Variants in IRX6 observed in about 807,000 individuals in gnomAD.
IRX6 encodes iroquois homeobox 6.
Under a neutral mutation model 47.7 loss-of-function variants are expected in IRX6, and 46 were observed. The observed-to-expected ratio is 0.96, with a 90% CI of 0.76 to 1.23. IRX6 has a LOEUF of 1.23. IRX6 is among the 50% of genes most tolerant of loss of function. The pLI is 0.00. For synonymous variants in IRX6, 265 were observed against 246.2 expected, an observed-to-expected ratio of 1.08 and a Z score of -0.72; for missense variants, 722 against 588.0, an observed-to-expected ratio of 1.23 and a Z score of -2.36.
In IRX6 at chr16:55,328,686, T is replaced by C; in HGVS notation, c.722-14T>C. Reference sequence around the variant, plus strand: ...GCCCTGGGGCTTTTCTCACTCGCTCTTGATTTCCTGCAGAAGTTACTGCTA... The same window carrying C: ...GCCCTGGGGCTTTTCTCACTCGCTCCTGATTTCCTGCAGAAGTTACTGCTA... On this transcript the variant is annotated splice_polypyrimidine_tract_variant and intron_variant, in intron 4 of 5. Coordinates refer to ENST00000290552, the MANE Select transcript of IRX6 (RefSeq NM_024335.3). 1.2e-6 allele frequency: 2 copies of C among 1,611,432 alleles called. No individual in the cohort carries two copies. Among genetic ancestry groups the C allele is most frequent in the Non-Finnish European group, 1.7e-6 (2 of 1,179,008 alleles).
At position 55,327,838 on chromosome 16, in the gene IRX6, G is replaced by C; in HGVS notation, c.666G>C (p.Arg222Ser). ...WAPKNKGGEE[R>S]KAEGGEEDSL... ...CCAAGAACAAAGGTGGGGAGGAGAG[G>C]AAGGCAGAGGGAGGAGAGGAGGACT... Residue 222 changes from arginine to serine, a missense_variant, in exon 4 of 6, where the codon AGG (arginine) becomes AGC (serine). Coordinates refer to ENST00000290552, the MANE Select transcript of IRX6 (RefSeq NM_024335.3). 6.2e-7 allele frequency: 1 copy of C among 1,613,040 alleles called. No individual in the cohort carries two copies. The highest frequency in any genetic ancestry group is 8.5e-7 in the Non-Finnish European group (1 of 1,179,750).
chr16:55,325,241 C>A (rs1960489689), intron 1 of IRX6, 105 bp downstream of exon 1: 1 of 1,094,510 alleles, frequency 9.1e-7, no homozygotes, highest in Admixed American at 1.9e-5. Context: ...TGGGGGAAGC[C>A]AGAAGGAGCA....
intron 1 of IRX6, 145 bp downstream of exon 1, chr16:55,325,281 C>G (rs2142265701): frequency 1.4e-6 from 1 of 711,316 alleles, no homozygotes; most frequent in Non-Finnish European, 2.4e-6. Context: ...ACAGCCTCCT[C>G]TGACATCCCC....
chr16:55,329,403 T>G, intron 5 of IRX6, 92 bp downstream of exon 5: 1 of 1,456,370 alleles, frequency 6.9e-7, no homozygotes, highest in South Asian at 1.4e-5. Flanking sequence ...GCCATTCCAG[T>G]CTGCCCAGGT....
At chr16:55,330,265 C>A in intron 5 of IRX6, 33 bp from the exon 6 acceptor site, 1 of 1,610,932 alleles carries the variant, frequency 6.2e-7, no homozygotes, top group Non-Finnish European at 8.5e-7. Context: ...CACTAAACAG[C>A]CTTTGGGTTT....
At chr16:55,327,242 C>T in intron 2 of IRX6, 54 bp from the exon 3 acceptor site, 3 of 1,278,270 alleles carry the variant, frequency 2.3e-6, no homozygotes, top group South Asian at 1.2e-5. Context: ...AGCTACCACC[C>T]CATGTGCCCC....
At position 55,330,445 on chromosome 16, in the gene IRX6, C is replaced by T; in HGVS notation, c.*140C>T. On this transcript the variant is annotated 3_prime_UTR_variant, in exon 6 of 6. Transcript: ENST00000290552. ...AAGAGACAGACACACAGAAACCCTC[C>T]TAGCAGCTGTCCTTGCACGCAGAGC... is the stretch of plus-strand genomic sequence containing the variant. 1.2e-6 allele frequency: 1 copy of T among 838,418 alleles called. No individual in the cohort carries two copies. The highest frequency in any genetic ancestry group is 2.0e-6 in the Non-Finnish European group (1 of 491,034). The allele number at this position is 838,418 out of a possible 1,614,324, so 51.9% of individuals were successfully genotyped here. A position where few individuals can be genotyped will look rare whatever the true frequency, so the allele number is the denominator to read the frequency against.
chr16:55,325,013 T>C lies in IRX6; in HGVS notation c.-79T>C, dbSNP rs1427576126. 1.4e-6 allele frequency: 2 copies of C among 1,470,370 alleles called. No individual in the cohort carries two copies. Among genetic ancestry groups the C allele is most frequent in the Non-Finnish European group, 1.9e-6 (2 of 1,050,828 alleles). 91.1% of individuals were successfully genotyped at this position (1,470,370 alleles called of 1,614,324 possible). ...CAGCGGTGTAAGGAACTGAGACACCTCACTGCTGGGGGCGCGGAACAGCTG... is the reference window on the plus strand; with the variant it reads ...CAGCGGTGTAAGGAACTGAGACACCCCACTGCTGGGGGCGCGGAACAGCTG... On this transcript the variant is annotated 5_prime_UTR_variant, in exon 1 of 6. Transcript: ENST00000290552.
Position 55,324,315 on chromosome 16 carries a change from T to C in IRX6, c.-777T>C, listed in dbSNP as rs1960470868. The C allele has an allele frequency of 6.8e-6, 1 of 147,496 alleles. No individual in the cohort carries two copies. The highest frequency in any genetic ancestry group is 2.5e-5 in the African/African-American group (1 of 40,044). 9.1% of individuals were successfully genotyped at this position (147,496 alleles called of 1,614,324 possible). On this transcript the variant is annotated 5_prime_UTR_variant, in exon 1 of 6. Coordinates refer to ENST00000290552, the MANE Select transcript of IRX6 (RefSeq NM_024335.3). This position sits in a 1 kb window ranked among gnomAD's most constrained non-coding sequence, Gnocchi z 4.4. ...CCCTCTCCCCTCCTCCTTCTCCCTC[T>C]TGCCTTTCTCCCCCACTTTTCTCCT...
intron 2 of IRX6, 100 bp downstream of exon 2, chr16:55,326,693 G>T: frequency 7.7e-7 from 1 of 1,302,842 alleles, no homozygotes. Flanking sequence ...AAAGGAAATG[G>T]TTAGGACTGT....
Position 55,325,530 on chromosome 16 carries a change from G to GGAAGGAAA in IRX6, c.45+396_45+397insAGGAAAGA, listed in dbSNP as rs1491427085. Among the ~76,000 whole-genome samples the GGAAGGAAA allele has an allele frequency of 2.4e-3, 22 of 9,086 alleles. 4 individuals are homozygous for GGAAGGAAA. The highest frequency in any genetic ancestry group is 0.014 in the African/African-American group (19 of 1,314). The allele number at this position is 9,086 out of a possible 152,430, so 6.0% of individuals were successfully genotyped here. The stretch of plus-strand genomic sequence containing the variant: ...AGGAAGGAAGGAAGGAAGGAAGGAA[G>GGAAGGAAA]GAGAGAGAGAGAGAGAGAGAGAGAG... On this transcript the variant is annotated intron_variant, in intron 1 of 5. Transcript: ENST00000290552.
Position 55,329,090 on chromosome 16 carries a change from C to G in IRX6, c.1112C>G (p.Pro371Arg). The change falls in exon 5 of 6, where the codon CCT becomes CGT. Residue 371 changes from proline (P) to arginine (R), a missense_variant. Physicochemically the swap from Pro to Arg is moderately radical, Grantham distance 103 (BLOSUM62 -2). Transcript: ENST00000290552. ...SAVEGAPPAR[P>R]RPRSPECRMI... ...GTTGAAGGTGCACCCCCAGCCCGGC[C>G]TAGGCCACGAAGTCCTGAGTGCCGT... 6.2e-7 allele frequency: 1 copy of G among 1,614,104 alleles called. No homozygotes were observed. Among genetic ancestry groups the G allele is most frequent in the Non-Finnish European group, 8.5e-7 (1 of 1,180,040 alleles).
Position 55,326,539 on chromosome 16 carries a change from C to A in IRX6, c.249C>A (p.Ser83Arg), listed in dbSNP as rs374685375. The A allele has an allele frequency of 2.5e-6, 4 of 1,587,632 alleles. No individual in the cohort carries two copies. The highest frequency in any genetic ancestry group is 3.4e-6 in the Non-Finnish European group (4 of 1,166,074). ...ATGCGGCCGCTGCAGCTGCCCAGAG[C>A]TACCCTGGCTACCTGCCCTATAGCC... The part of the protein sequence containing the change: ...APYAAAAAAQ[S>R]YPGYLPYSPE... Residue 83 changes from serine to arginine, a missense_variant, in exon 2 of 6, where the codon AGC becomes AGA. Coordinates refer to ENST00000290552, the MANE Select transcript of IRX6 (RefSeq NM_024335.3).
In IRX6 at chr16:55,329,019, G is replaced by A; in HGVS notation, c.1041G>A (p.Glu347=). ...TGACCATGCACTACCCATGCTTGGA[G>A]AAACCGCGCATCTGGTCTCTGGCGC... ...PRLTMHYPCL[E]KPRIWSLAHT... is the part of the protein sequence containing the mutation. Residue 347 remains glutamate (E), a synonymous_variant, in exon 5 of 6, where the codon GAG becomes GAA. Transcript: ENST00000290552. The A allele has an allele frequency of 6.2e-7, 1 of 1,613,946 alleles. No individual in the cohort carries two copies. Among genetic ancestry groups the A allele is most frequent in the Non-Finnish European group, 8.5e-7 (1 of 1,180,038 alleles).
intron 4 of IRX6, 106 bp downstream of exon 4, chr16:55,327,999 A>T: frequency 8.9e-7 from 1 of 1,122,390 alleles, no homozygotes; most frequent in East Asian, 2.5e-5. Flanking sequence ...AGGTCCTCAG[A>T]CTTACCCTTG....
In IRX6 at chr16:55,328,776, G is replaced by T; in HGVS notation, c.798G>T (p.Glu266Asp). ...ACCTGGAGGAAGAGGAGGAGGAGGA[G>T]GAGGAAGCTGAAGACGAGGAGGTAG... ...LEDLEEEEEE[E>D]EEAEDEEVVA... Residue 266 changes from glutamate (E) to aspartate (D), a missense_variant, in exon 5 of 6, where the codon GAG becomes GAT. Physicochemically the swap from Glu to Asp is conservative, Grantham distance 45. Transcript: ENST00000290552. 1 of 1,613,246 alleles carries T rather than the reference G, an allele frequency of 6.2e-7. No homozygotes were observed. The highest frequency in any genetic ancestry group is 1.1e-5 in the South Asian group (1 of 91,076).
In IRX6 at chr16:55,327,822, A is replaced by G. The variant is rs535292092; in HGVS notation, c.650A>G (p.Lys217Arg). 3.1e-6 allele frequency: 5 copies of G among 1,613,064 alleles called. No homozygotes were observed. In the East Asian group the frequency reaches 8.9e-5, roughly 29 times the overall value. ...AAAATGACATGGGCGCCCAAGAACA[A>G]AGGTGGGGAGGAGAGGAAGGCAGAG... ...ENKMTWAPKNKGGEERKAEGG... is the reference protein window; with the variant it reads ...ENKMTWAPKNRGGEERKAEGG... Residue 217 changes from lysine to arginine, a missense_variant, in exon 4 of 6, where the codon AAA (lysine) becomes AGA (arginine). By Grantham distance (26) the Lys-to-Arg change is conservative. Coordinates refer to ENST00000290552, the MANE Select transcript of IRX6 (RefSeq NM_024335.3).
Position 55,330,680 on chromosome 16 carries a change from C to T in IRX6, c.*375C>T. On this transcript the variant is annotated 3_prime_UTR_variant, in exon 6 of 6. Coordinates refer to ENST00000290552, the MANE Select transcript of IRX6 (RefSeq NM_024335.3). Reference sequence around the variant, plus strand: ...ACTCACTTTGTAACTTCATCACTGACCCGGCCAATAAGGACCCTGTGCGTC... The same window carrying T: ...ACTCACTTTGTAACTTCATCACTGATCCGGCCAATAAGGACCCTGTGCGTC... 3.0e-6 allele frequency: 1 copy of T among 335,370 alleles called. No homozygotes were observed. The highest frequency in any genetic ancestry group is 3.8e-5 in the South Asian group (1 of 26,358). 20.8% of individuals were successfully genotyped at this position (335,370 alleles called of 1,614,324 possible).
Position 55,327,794 on chromosome 16 carries a change from A to G in IRX6, c.622A>G (p.Asn208Asp), listed in dbSNP as rs371711126. ...ANARRRLKKE[N>D]KMTWAPKNKG... ...CGCACGCCGGCGCCTCAAGAAAGAG[A>G]ACAAAATGACATGGGCGCCCAAGAA... The change falls in exon 4 of 6, where the codon AAC (asparagine) becomes GAC (aspartate). Residue 208 changes from asparagine (N) to aspartate (D), a missense_variant. By Grantham distance (23) the Asn-to-Asp change is conservative (BLOSUM62 1). Transcript: ENST00000290552. The G allele has an allele frequency of 2.7e-5, 44 of 1,611,250 alleles. No individual in the cohort carries two copies. The highest frequency in any genetic ancestry group is 2.3e-4 in the South Asian group (21 of 91,020).
Sources: gnomAD v4.1 joint callset for allele counts (sites outside exome capture counted in the v4.1 genomes callset) on GRCh38, gnomAD v4.1.1 for gene constraint, Gnocchi (gnomAD v3.1) non-coding constraint, MANE v1.5 for transcripts, NCBI Gene and HGNC (gene_info 2026-07-23, HGNC 2026-07-21) for gene names.